The following MFHAS1 variants were observed in gnomAD, a reference collection of about 807,000 sequenced individuals.
MFHAS1 encodes the protein multifunctional ROCO family signaling regulator 1, also known as malignant fibrous histiocytoma-amplified sequence 1.
MFHAS1 carries 50 observed loss-of-function variants against 70.4 expected under a neutral mutation model. That is an observed-to-expected ratio of 0.71 (90% CI 0.57 to 0.90). The LOEUF (loss-of-function observed/expected upper bound fraction) is 0.90, where lower values mean the gene tolerates loss of function less well. MFHAS1 is among the 40% of genes least tolerant of loss of function. The pLI is 0.00. For missense variants in MFHAS1, 1,795 were observed against 1,347.6 expected (o/e 1.33, Z -5.20); for synonymous variants, 952 against 620.0 (o/e 1.54, Z -7.96).
rs751736035 is a variant in MFHAS1 at position 8,891,508 on chromosome 8, G to T, written c.1551C>A (p.Gly517=). The change falls in exon 1 of 3, where the codon GGC becomes GGA. Residue 517 remains glycine (G), a synonymous_variant. Coordinates refer to ENST00000276282, the MANE Select transcript of MFHAS1 (RefSeq NM_004225.3). The surrounding 1 kb of genome is among the most constrained non-coding windows in gnomAD (Gnocchi z 5.4). The stretch of plus-strand genomic sequence containing the variant: ...TCGCCCCGACCCGATGCAAGAAGGA[G>T]CCCACGGTGGTAGGAAAGTGGCGAG... ...YEPRHFPTTV[G]SFLHRVGARV... 1.5e-5 allele frequency: 25 copies of T among 1,612,978 alleles called. No individual in the cohort carries two copies. The highest frequency in any genetic ancestry group is 1.2e-5 in the Non-Finnish European group (14 of 1,180,040).
chr8:8,808,530 C>G (rs993938105), intron 1 of MFHAS1, among the ~76,000 whole-genome samples: 1 of 152,088 alleles, frequency 6.6e-6, no homozygotes, highest in Non-Finnish European at 1.5e-5. Flanking sequence ...TAGTAAAAAG[C>G]TGAAAGGTCT....
chr8:8,885,305 T>A (rs1809712015), intron 1 of MFHAS1, among the ~76,000 whole-genome samples: 1 of 152,150 alleles, frequency 6.6e-6, no homozygotes, highest in Non-Finnish European at 1.5e-5. Context: ...TCCTTATTTT[T>A]TAAAATGACC....
chr8:8,843,526 A>T (rs1807918966), intron 1 of MFHAS1, among the ~76,000 whole-genome samples: 2 of 152,242 alleles, frequency 1.3e-5, no homozygotes, highest in Admixed American at 6.5e-5. Context: ...GGCCGTAGCG[A>T]GTGGTGATCA....
chr8:8,798,798 T>C (rs1213033051), intron 1 of MFHAS1, among the ~76,000 whole-genome samples: 1 of 152,108 alleles, frequency 6.6e-6, no homozygotes, highest in Non-Finnish European at 1.5e-5. Flanking sequence ...CCTGCAATCC[T>C]AGCAGTTTGG....
chr8:8,868,476 C>G (rs141757447), intron 1 of MFHAS1, among the ~76,000 whole-genome samples: 16 of 151,506 alleles, frequency 1.1e-4, no homozygotes, highest in Non-Finnish European at 1.9e-4. Context: ...GGCTAATACA[C>G]TGGAACCAGC....
chr8:8,890,261 C>G lies in MFHAS1; in HGVS notation c.2798G>C (p.Arg933Thr). The G allele has an allele frequency of 1.9e-6, 3 of 1,614,168 alleles. No individual in the cohort carries two copies. Among genetic ancestry groups the G allele is most frequent in the Non-Finnish European group, 1.7e-6 (2 of 1,180,016 alleles). The stretch of plus-strand genomic sequence containing the variant: ...CAGGGTGTCTGGCTGCAGGACTCCC[C>G]TGGCAGGTCTGTAACTCACAACCAC... ...VPVVVSYRPA[R>T]GVLQPDTLSI... The change falls in exon 1 of 3, where the codon AGG becomes ACG. Residue 933 changes from arginine (R) to threonine (T), a missense_variant. Physicochemically the swap from Arg to Thr is moderately conservative, Grantham distance 71. Coordinates refer to ENST00000276282, the MANE Select transcript of MFHAS1 (RefSeq NM_004225.3).
chr8:8,822,306 AG>A (rs1424334469), intron 1 of MFHAS1, among the ~76,000 whole-genome samples: 1 of 152,160 alleles, frequency 6.6e-6, no homozygotes, highest in African/African-American at 2.4e-5. Context: ...AGCTGGTCTG[AG>A]GGGAGAGGAA....
At chr8:8,837,633 A>AC (rs1313222527) in intron 1 of MFHAS1, among the ~76,000 whole-genome samples, 2 of 151,448 alleles carry the variant, frequency 1.3e-5, no homozygotes, top group African/African-American at 4.9e-5. Context: ...ACAGAGTGAG[A>AC]CCCCATCTCA....
chr8:8,875,567 G>C (rs1397591069), intron 1 of MFHAS1, among the ~76,000 whole-genome samples: 1 of 152,092 alleles, frequency 6.6e-6, no homozygotes, highest in Non-Finnish European at 1.5e-5. Flanking sequence ...CCCACCATGA[G>C]AAACTTTTTT....
At chr8:8,797,607 A>T in intron 1 of MFHAS1, 116 bp from the exon 2 acceptor site, 1 of 1,172,636 alleles carries the variant, frequency 8.5e-7, no homozygotes, top group Non-Finnish European at 1.2e-6. Flanking sequence ...AGGTGAAGCA[A>T]CGAAGGATGT....
chr8:8,788,236 G>A (rs1410179857), intron 2 of MFHAS1, among the ~76,000 whole-genome samples: 1 of 152,230 alleles, frequency 6.6e-6, no homozygotes, highest in African/African-American at 2.4e-5. Flanking sequence ...AGTTCTTTAT[G>A]TATCCTCAAC....
At chr8:8,861,142 C>T (rs1412044787) in intron 1 of MFHAS1, among the ~76,000 whole-genome samples, 2 of 152,158 alleles carry the variant, frequency 1.3e-5, no homozygotes, top group African/African-American at 4.8e-5. Flanking sequence ...AAGTGGTAGA[C>T]ATATATAAAA....
chr8:8,838,193 G>A (rs1274842821), intron 1 of MFHAS1, among the ~76,000 whole-genome samples: 1 of 152,168 alleles, frequency 6.6e-6, no homozygotes, highest in Non-Finnish European at 1.5e-5. Flanking sequence ...CGAAGCTCTA[G>A]ACAAGGCAGA....
intron 1 of MFHAS1, among the ~76,000 whole-genome samples, chr8:8,807,326 C>T (rs1806331394): frequency 6.6e-6 from 1 of 152,064 alleles, no homozygotes; most frequent in Non-Finnish European, 1.5e-5. Flanking sequence ...ATAATGTCTG[C>T]CTCTCAGGCC....
chr8:8,832,523 A>T (rs1434769717), intron 1 of MFHAS1, among the ~76,000 whole-genome samples: 1 of 152,150 alleles, frequency 6.6e-6, no homozygotes, highest in Non-Finnish European at 1.5e-5. Context: ...AAACACAAAC[A>T]GAAACCTTAC....
chr8:8,866,167 C>T (rs897568979), intron 1 of MFHAS1, among the ~76,000 whole-genome samples: 1 of 152,148 alleles, frequency 6.6e-6, no homozygotes, highest in Non-Finnish European at 1.5e-5. Flanking sequence ...AGGAGCACTT[C>T]TCTTTACCAT....
rs375474720 is a variant in MFHAS1, at chr8:8,792,024, G to A, written c.3125+5341C>T. 2.7e-5 allele frequency among the ~76,000 whole-genome samples: 4 copies of A among 150,908 alleles called. No individual in the cohort carries two copies. In the South Asian group the frequency reaches 6.4e-4, roughly 24 times the overall value. On this transcript the variant is annotated intron_variant, in intron 2 of 2. Coordinates refer to ENST00000276282, the MANE Select transcript of MFHAS1 (RefSeq NM_004225.3). ...TGGGAGGCCGAGGCAGGCGGATCACGGTCAGGAGATCGAGACCATCCTGGC... is the reference window on the plus strand; with the variant it reads ...TGGGAGGCCGAGGCAGGCGGATCACAGTCAGGAGATCGAGACCATCCTGGC...
intron 1 of MFHAS1, among the ~76,000 whole-genome samples, chr8:8,844,972 AAAAG>A (rs1231025309): frequency 3.2e-4 from 49 of 152,364 alleles, no homozygotes; most frequent in African/African-American, 1.1e-3. Context: ...CAAGAGCAAC[AAAAG>A]AAGAAGAAGA....
At chr8:8,831,885 T>C (rs1382673949) in intron 1 of MFHAS1, among the ~76,000 whole-genome samples, 1 of 152,178 alleles carries the variant, frequency 6.6e-6, no homozygotes, top group Non-Finnish European at 1.5e-5. Context: ...GTGCTGGGAT[T>C]ACAGGTGTGA....
Sources: gnomAD v4.1 joint callset for allele counts (sites outside exome capture counted in the v4.1 genomes callset) on GRCh38, gnomAD v4.1.1 for gene constraint, Gnocchi (gnomAD v3.1) non-coding constraint, MANE v1.5 for transcripts, NCBI Gene and HGNC (gene_info 2026-07-23, HGNC 2026-07-21) for gene names.